PVT1: variants seen among roughly 807,000 people sequenced by gnomAD.
PVT1 encodes the protein CXCR4/PVT1 fusion.
chr8:127,890,110 C>G (rs1339564861), intron 2 of PVT1, among the ~76,000 whole-genome samples: 1 of 152,142 alleles, frequency 6.6e-6, no homozygotes, highest in Non-Finnish European at 1.5e-5. Flanking sequence ...CAGGACAAGG[C>G]CTGGAGTCAG....
At chr8:127,806,566 C>T (rs1246178514) in intron 2 of PVT1, among the ~76,000 whole-genome samples, 3 of 152,118 alleles carry the variant, frequency 2.0e-5, no homozygotes, top group Admixed American at 6.5e-5. Context: ...AAAATTCATC[C>T]TTTCTAGGAT....
intron 3 of PVT1, chr8:127,946,866 C>G (rs1200700792): frequency 1.3e-5 from 2 of 152,952 alleles, no homozygotes; most frequent in African/African-American, 4.8e-5. Flanking sequence ...AAGGTCACGA[C>G]TCCCTCCCTC....
chr8:127,813,599 C>T (rs974900964), intron 2 of PVT1, among the ~76,000 whole-genome samples: 2 of 152,216 alleles, frequency 1.3e-5, no homozygotes, highest in African/African-American at 4.8e-5. Flanking sequence ...GCTTGAACCT[C>T]AGCCCTGCTG....
chr8:127,808,845 C>T (rs1203345891), intron 2 of PVT1, among the ~76,000 whole-genome samples: 2 of 151,646 alleles, frequency 1.3e-5, no homozygotes, highest in African/African-American at 4.8e-5. Flanking sequence ...GCCTGGCCAA[C>T]ATGGTGAAAC....
chr8:127,881,227 C>A lies in PVT1; in HGVS notation n.373-9362C>A, dbSNP rs544109597. 2.0e-5 allele frequency among the ~76,000 whole-genome samples: 3 copies of A among 152,140 alleles called. No individual in the cohort carries two copies. In the South Asian group the frequency reaches 6.2e-4, roughly 32 times the overall value. On this transcript the variant is annotated intron_variant and non_coding_transcript_variant, in intron 2 of 10. Coordinates refer to ENST00000651587, the Ensembl canonical transcript of PVT1. ...CCCGAGTCTGACTCGTGGGAGTAAC[C>A]ACCATAATAGCAGCGCTGTGCTGTT...
intron 2 of PVT1, among the ~76,000 whole-genome samples, chr8:127,824,603 T>C (rs1157711190): frequency 1.3e-5 from 2 of 152,254 alleles, no homozygotes; most frequent in Non-Finnish European, 2.9e-5. Context: ...GTTAACGCAA[T>C]TGCTGCATTT....
At chr8:128,025,803 C>T (rs1817486739) in intron 4 of PVT1, among the ~76,000 whole-genome samples, 1 of 152,200 alleles carries the variant, frequency 6.6e-6, no homozygotes, top group Non-Finnish European at 1.5e-5. Context: ...CTCCCAAACC[C>T]TGTGAATGGA....
At chr8:128,058,024 C>T (rs1813781844) in intron 4 of PVT1, among the ~76,000 whole-genome samples, 2 of 152,220 alleles carry the variant, frequency 1.3e-5, no homozygotes, top group Admixed American at 1.3e-4. Context: ...CTGGACCCTT[C>T]ATCAGGAGCT....
intron 4 of PVT1, among the ~76,000 whole-genome samples, chr8:128,016,976 A>G (rs1266894297): frequency 6.6e-6 from 1 of 152,196 alleles, no homozygotes; most frequent in Non-Finnish European, 1.5e-5. Context: ...GCTTGAGCCC[A>G]GGAGTTCAAG....
intron 2 of PVT1, among the ~76,000 whole-genome samples, chr8:127,815,760 C>T (rs1358094489): frequency 1.3e-5 from 2 of 152,084 alleles, no homozygotes; most frequent in East Asian, 1.9e-4. Flanking sequence ...AATTTGGATG[C>T]GACAGAATTG....
intron 2 of PVT1, among the ~76,000 whole-genome samples, chr8:127,799,206 AG>A (rs1017795338): frequency 5.9e-5 from 9 of 151,818 alleles, no homozygotes; most frequent in African/African-American, 2.2e-4. Context: ...TCTTGAGAAC[AG>A]GGGCGTCTAA....
rs1156346144 is a variant in PVT1 at position 127,937,568 on chromosome 8, C to G, written n.782+46570C>G. The stretch of plus-strand genomic sequence containing the variant: ...AAAAAGACACACACACACACACACA[C>G]ACACACACACACAGAGAGAGAGAGA... On this transcript the variant is annotated intron_variant and non_coding_transcript_variant, in intron 3 of 10. Transcript: ENST00000651587. 1.4e-4 allele frequency among the ~76,000 whole-genome samples: 15 copies of G among 109,122 alleles called. No individual in the cohort carries two copies. In the South Asian group the frequency reaches 4.3e-3, roughly 31 times the overall value. The allele number at this position is 109,122 out of a possible 152,430, so 71.6% of individuals were successfully genotyped here.
intron 3 of PVT1, among the ~76,000 whole-genome samples, chr8:127,987,791 T>A (rs540286558): frequency 1.2e-4 from 18 of 152,280 alleles, no homozygotes; most frequent in Admixed American, 7.8e-4. Context: ...ACGAAGCAAA[T>A]TCATTTTGAC....
chr8:127,929,991 GA>G (rs1398032692), intron 3 of PVT1, among the ~76,000 whole-genome samples: 1 of 152,156 alleles, frequency 6.6e-6, no homozygotes, highest in African/African-American at 2.4e-5. Flanking sequence ...CTTTGCTTTA[GA>G]AAAATACACA....
intron 4 of PVT1, among the ~76,000 whole-genome samples, chr8:128,058,870 C>T (rs370100411): frequency 5.3e-5 from 8 of 152,204 alleles, no homozygotes; most frequent in East Asian, 3.9e-4. Context: ...ACCTTTCCAG[C>T]CTCATCTGTT....
At chr8:127,968,960 G>A (rs1009385542) in intron 3 of PVT1, among the ~76,000 whole-genome samples, 5 of 152,126 alleles carry the variant, frequency 3.3e-5, no homozygotes, top group Non-Finnish European at 7.4e-5. Flanking sequence ...CAGACAGCAC[G>A]GCCCTGCTGT....
At chr8:127,955,828 G>T (rs921290910) in intron 3 of PVT1, among the ~76,000 whole-genome samples, 3 of 152,076 alleles carry the variant, frequency 2.0e-5, no homozygotes, top group Non-Finnish European at 4.4e-5. Flanking sequence ...CAAGTGATCT[G>T]CCCGCCTCGG....
intron 3 of PVT1, among the ~76,000 whole-genome samples, chr8:127,960,038 G>T (rs574448703): frequency 6.6e-6 from 1 of 152,284 alleles, no homozygotes; most frequent in African/African-American, 2.4e-5. Flanking sequence ...TCGTAGTTTT[G>T]TCATCTTCAG....
At chr8:127,998,225 C>T (rs1262255232) in intron 4 of PVT1, 1 of 152,158 alleles carries the variant, frequency 6.6e-6, no homozygotes, top group African/African-American at 2.4e-5. Flanking sequence ...CATAGCCATC[C>T]CCTAAGAAGA....
Sources: gnomAD v4.1 joint callset for allele counts (sites outside exome capture counted in the v4.1 genomes callset) on GRCh38, gnomAD v4.1.1 for gene constraint, MANE v1.5 for transcripts, NCBI Gene and HGNC (gene_info 2026-07-23, HGNC 2026-07-21) for gene names.